Variants in GATB observed in about 807,000 individuals in gnomAD.
The protein encoded by GATB is glutamyl-tRNA amidotransferase subunit B, also known as glutamyl-tRNA(Gln) amidotransferase subunit B, mitochondrial.
A neutral mutation model predicts 62.3 loss-of-function variants in GATB; 39 were observed. That is an observed-to-expected ratio of 0.63 (90% CI 0.48 to 0.82). GATB has a LOEUF of 0.82. Ranked by LOEUF, GATB falls within the 40% of genes least tolerant of loss-of-function variation. The pLI is 0.00. For missense variants in GATB, 670 were observed against 684.0 expected, an observed-to-expected ratio of 0.98 and a Z score of 0.23; for synonymous variants, 276 against 258.9, an observed-to-expected ratio of 1.07 and a Z score of -0.63.
At chr4:151,714,292 G>C (rs1358462926) in intron 5 of GATB, among the ~76,000 whole-genome samples, 1 of 152,190 alleles carries the variant, frequency 6.6e-6, no homozygotes, top group Non-Finnish European at 1.5e-5. Flanking sequence ...CACCTCTTCA[G>C]GGTGGCCCTC....
chr4:151,694,378 A>G (rs1469465688), intron 9 of GATB, among the ~76,000 whole-genome samples: 3 of 152,144 alleles, frequency 2.0e-5, no homozygotes, highest in Non-Finnish European at 4.4e-5. Context: ...CTGAGCCCAG[A>G]GCATCTTCCC....
intron 2 of GATB, among the ~76,000 whole-genome samples, chr4:151,737,095 C>T (rs953787863): frequency 2.6e-5 from 4 of 152,088 alleles, no homozygotes; most frequent in African/African-American, 9.7e-5. Flanking sequence ...GATCTGGGTA[C>T]CAGGCAGAGG....
At chr4:151,685,914 G>T (rs761911239) in intron 10 of GATB, among the ~76,000 whole-genome samples, 42 of 152,160 alleles carry the variant, frequency 2.8e-4, no homozygotes, top group Non-Finnish European at 3.2e-4. Flanking sequence ...TTAGCTGGGT[G>T]TGGTGGCGGG....
chr4:151,726,674 G>A (rs1739144040), intron 2 of GATB, among the ~76,000 whole-genome samples: 2 of 152,174 alleles, frequency 1.3e-5, no homozygotes, highest in Non-Finnish European at 2.9e-5. Flanking sequence ...AGTCTGGCAG[G>A]TTCAACTATC....
chr4:151,729,220 C>T (rs1739195765), intron 2 of GATB, among the ~76,000 whole-genome samples: 1 of 151,814 alleles, frequency 6.6e-6, no homozygotes, highest in African/African-American at 2.4e-5. Context: ...ATTATGTTTG[C>T]TTTAGGAGTA....
At chr4:151,697,235 G>A (rs544690739) in intron 9 of GATB, among the ~76,000 whole-genome samples, 129 of 152,304 alleles carry the variant, frequency 8.5e-4, no homozygotes, top group African/African-American at 1.1e-3. Flanking sequence ...CAGCGTAAGC[G>A]TCCATCAATG....
At chr4:151,711,622 C>T (rs1036115208) in intron 5 of GATB, among the ~76,000 whole-genome samples, 12 of 152,240 alleles carry the variant, frequency 7.9e-5, no homozygotes, top group African/African-American at 2.7e-4. Context: ...ACAACATTGT[C>T]ACTTTCCAAT....
Position 151,731,267 on chromosome 4 carries a change from G to A in GATB, c.328-11729C>T, listed in dbSNP as rs553424008. 2.1e-3 allele frequency among the ~76,000 whole-genome samples: 313 copies of A among 152,294 alleles called. 1 individual carries two copies. The highest frequency in any genetic ancestry group is 7.3e-3 in the African/African-American group (305 of 41,576). On this transcript the variant is annotated intron_variant, in intron 2 of 12. Coordinates refer to ENST00000263985, the MANE Select transcript of GATB (RefSeq NM_004564.3). ...GTGCCTGCCATTGCGGGCGCGCGCC[G>A]CCACGCCTGACTGGTTTTCGTATTT...
chr4:151,676,590 C>CTGA (rs1295611148), intron 11 of GATB: 1 of 152,232 alleles, frequency 6.6e-6, no homozygotes, highest in Non-Finnish European at 1.5e-5. Flanking sequence ...GTTTGGGAGT[C>CTGA]TGATGTGTCC....
chr4:151,692,684 C>G (rs971903007), intron 9 of GATB, among the ~76,000 whole-genome samples: 5 of 152,198 alleles, frequency 3.3e-5, no homozygotes, highest in Non-Finnish European at 7.3e-5. Context: ...CCCTGCCTTG[C>G]CTCTGCATCC....
intron 5 of GATB, among the ~76,000 whole-genome samples, chr4:151,709,641 T>C (rs1196110239): frequency 6.6e-6 from 1 of 152,192 alleles, no homozygotes; most frequent in Non-Finnish European, 1.5e-5. Flanking sequence ...TCCATTTCCA[T>C]GGCTACCACC....
chr4:151,733,079 A>ACCAAAC (rs1348147953), intron 2 of GATB, among the ~76,000 whole-genome samples: 7 of 152,084 alleles, frequency 4.6e-5, no homozygotes, highest in Non-Finnish European at 8.8e-5. Context: ...ATAAGAACAA[A>ACCAAAC]CCAAACCCAA....
intron 2 of GATB, among the ~76,000 whole-genome samples, chr4:151,735,839 A>C (rs1739362849): frequency 6.6e-6 from 1 of 151,162 alleles, no homozygotes; most frequent in Non-Finnish European, 1.5e-5. Flanking sequence ...CTAAGGCGTA[A>C]GAATGATACA....
Position 151,672,874 on chromosome 4 carries a change from C to G in GATB, c.1433G>C (p.Arg478Thr). The stretch of plus-strand genomic sequence containing the variant: ...AATCTGCCCTGGAGTCTTGCCTTCC[C>G]TCTTCCACAGTTCCTCAAACACCTA... ...AKQVFEELWK[R>T]EGKTPGQIVS... The change falls in exon 12 of 13, where the codon AGG becomes ACG. Residue 478 changes from arginine (R) to threonine (T), a missense_variant. By Grantham distance (71) the Arg-to-Thr change is moderately conservative. Transcript: ENST00000263985. 6.8e-6 allele frequency: 11 copies of G among 1,614,236 alleles called. No homozygotes were observed. Among genetic ancestry groups the G allele is most frequent in the Non-Finnish European group, 9.3e-6 (11 of 1,180,032 alleles).
At chr4:151,715,309 T>G (rs1241765403) in intron 5 of GATB, among the ~76,000 whole-genome samples, 1 of 152,202 alleles carries the variant, frequency 6.6e-6, no homozygotes, top group Non-Finnish European at 1.5e-5. Flanking sequence ...GAGAAAATGA[T>G]AGCAGAGGCT....
chr4:151,727,217 G>A (rs748991565), intron 2 of GATB, among the ~76,000 whole-genome samples: 3 of 152,144 alleles, frequency 2.0e-5, no homozygotes, highest in African/African-American at 4.8e-5. Context: ...CACCATGCCC[G>A]GCCCTTTATT....
intron 3 of GATB, 117 bp from the exon 4 acceptor site, chr4:151,717,191 A>G: frequency 1.0e-6 from 1 of 959,092 alleles, no homozygotes; most frequent in East Asian, 2.4e-5. Context: ...CAAAAACAAC[A>G]AGAAAAAAAG....
At chr4:151,679,779 GCA>G in intron 11 of GATB, 32 bp downstream of exon 11, 1 of 1,567,582 alleles carries the variant, frequency 6.4e-7, no homozygotes, top group Non-Finnish European at 8.8e-7. Flanking sequence ...TGGGACAGTA[GCA>G]CAGTCAGAAG....
At chr4:151,755,987 G>A (rs1416705819) in intron 2 of GATB, among the ~76,000 whole-genome samples, 1 of 152,166 alleles carries the variant, frequency 6.6e-6, no homozygotes, top group African/African-American at 2.4e-5. Context: ...AGGGTAAAAA[G>A]ATTACTCAGG....
Sources: gnomAD v4.1 joint callset for allele counts (sites outside exome capture counted in the v4.1 genomes callset) on GRCh38, gnomAD v4.1.1 for gene constraint, MANE v1.5 for transcripts, NCBI Gene and HGNC (gene_info 2026-07-23, HGNC 2026-07-21) for gene names.